Variants in ZNF568 observed in about 807,000 individuals in gnomAD.
ZNF568 encodes the protein zinc finger protein 568, also known as p53 inhibitor of SCO2 activation.
In ZNF568, 11 loss-of-function variants were observed where a neutral mutation model predicts 18.1. The observed-to-expected ratio is 0.61, with a 90% CI of 0.38 to 1.00. ZNF568 has a LOEUF of 1.00. Among genes scored for constraint, ZNF568 ranks in the 50% least tolerant of loss-of-function variants. ZNF568 has a pLI of 0.01. For missense variants in ZNF568, 639 were observed against 768.2 expected (o/e 0.83, Z 1.99); for synonymous variants, 213 against 246.6 (o/e 0.86, Z 1.28).
rs533331384 is a variant in ZNF568, at chr19:36,938,140, C to A, written c.358+898C>A. 1.2e-3 allele frequency among the ~76,000 whole-genome samples: 177 copies of A among 152,158 alleles called. 1 individual carries two copies. Among genetic ancestry groups the A allele is most frequent in the Admixed American group, 2.0e-3 (31 of 15,276 alleles). On this transcript the variant is annotated intron_variant, in intron 6 of 6. Coordinates refer to ENST00000333987, the MANE Select transcript of ZNF568 (RefSeq NM_198539.4). ...CAGAAATTTAACATCCTTTTAATGC[C>A]AATGTTTTCTGTCTAAGAACACACA...
intron 6 of ZNF568, among the ~76,000 whole-genome samples, chr19:36,948,056 G>A (rs151066388): frequency 1.0e-3 from 156 of 152,146 alleles, no homozygotes; most frequent in South Asian, 5.4e-3. Flanking sequence ...TATGGGTTTT[G>A]GTAAATGTAT....
intron 2 of ZNF568, among the ~76,000 whole-genome samples, chr19:36,988,408 G>A (rs1480427036): frequency 6.6e-6 from 1 of 152,204 alleles, no homozygotes; most frequent in African/African-American, 2.4e-5. Context: ...GAAGCATGAT[G>A]CTGGCATCTG....
downstream of ZNF568, among the ~76,000 whole-genome samples, chr19:36,983,195 G>A (rs1427639258): frequency 6.6e-6 from 1 of 152,174 alleles, no homozygotes; most frequent in Non-Finnish European, 1.5e-5. Flanking sequence ...AGTTGCAGCA[G>A]AGATGGTATG....
chr19:36,997,234 G>A, exon 5 of ZNF568: 2 of 1,608,894 alleles, frequency 1.2e-6, no homozygotes, highest in Non-Finnish European at 8.5e-7. Flanking sequence ...ATGTGGGAAA[G>A]CCTTTATCTC....
chr19:36,997,592 TTA>T (rs753831891), downstream of ZNF568: 2 of 1,565,662 alleles, frequency 1.3e-6, no homozygotes. Flanking sequence ...GGCTCAGAAC[TTA>T]GTTGACACCA....
intron 6 of ZNF568, among the ~76,000 whole-genome samples, chr19:36,958,616 C>CTTTTTTT (rs35494587): frequency 1.1e-3 from 110 of 99,090 alleles, no homozygotes; most frequent in African/African-American, 1.8e-3. Context: ...CTTTTTCTTT[C>CTTTTTTT]TTTTTTTTTT....
At chr19:36,997,377 C>G, downstream of ZNF568, 1 of 1,592,738 alleles carries the variant, frequency 6.3e-7, no homozygotes, top group African/African-American at 1.3e-5. Flanking sequence ...GTGAAAAACC[C>G]TATGAGTGTA....
chr19:36,921,631 AT>A (rs567591206), intron 2 of ZNF568, among the ~76,000 whole-genome samples: 41 of 149,448 alleles, frequency 2.7e-4, no homozygotes, highest in South Asian at 1.3e-3. Context: ...TGTTACATAT[AT>A]TTTTTTTTTA....
At chr19:36,991,915 G>A (rs2547049) in intron 4 of ZNF568, 671,186 of 1,274,920 alleles carry the variant, frequency 0.53, 178,780 homozygotes, top group African/African-American at 0.61. Context: ...TGAGAAGGCA[G>A]CACTTCAGGG....
At chr19:36,995,947 T>C (rs2074467058) in intron 4 of ZNF568, among the ~76,000 whole-genome samples, 1 of 152,226 alleles carries the variant, frequency 6.6e-6, no homozygotes, top group South Asian at 2.1e-4. Context: ...TCTCTGAAAC[T>C]TGTGAACGTG....
At chr19:36,982,261 A>G (rs2146341725), downstream of ZNF568, among the ~76,000 whole-genome samples, 2 of 152,228 alleles carry the variant, frequency 1.3e-5, no homozygotes, top group South Asian at 4.1e-4. Context: ...ACAGTTTTAG[A>G]TACTTCACTT....
At chr19:36,970,862 G>T (rs1347383423) in intron 6 of ZNF568, among the ~76,000 whole-genome samples, 1 of 151,800 alleles carries the variant, frequency 6.6e-6, no homozygotes, top group African/African-American at 2.4e-5. Flanking sequence ...CTACTTCTTA[G>T]TAGAAATCAG....
At chr19:36,926,620 T>C (rs911013403) in intron 4 of ZNF568, among the ~76,000 whole-genome samples, 16 of 152,328 alleles carry the variant, frequency 1.1e-4, no homozygotes, top group African/African-American at 3.8e-4. Flanking sequence ...CCATAAATGA[T>C]AGGCATTGTT....
intron 6 of ZNF568, among the ~76,000 whole-genome samples, chr19:36,961,711 T>A (rs2074151515): frequency 6.6e-6 from 1 of 152,010 alleles, no homozygotes; most frequent in South Asian, 2.1e-4. Context: ...TTAGTAGAGA[T>A]AGGGTTGTGC....
intron 6 of ZNF568, among the ~76,000 whole-genome samples, chr19:36,966,855 G>A (rs571207420): frequency 6.6e-6 from 1 of 152,350 alleles, no homozygotes; most frequent in Admixed American, 6.5e-5. Context: ...CCTGGGCCTG[G>A]CAGACTACCT....
chr19:36,990,309 C>T (rs2146348269), intron 2 of ZNF568, among the ~76,000 whole-genome samples: 2 of 152,208 alleles, frequency 1.3e-5, no homozygotes, highest in South Asian at 4.1e-4. Context: ...ACAATTTAGC[C>T]AGATGTATAA....
At chr19:36,963,628 T>A (rs1472800320) in intron 6 of ZNF568, among the ~76,000 whole-genome samples, 1 of 152,162 alleles carries the variant, frequency 6.6e-6, no homozygotes, top group African/African-American at 2.4e-5. Context: ...TGGTGCCCTA[T>A]TTCAGAGTTG....
intron 3 of ZNF568, among the ~76,000 whole-genome samples, chr19:36,923,373 G>T (rs972374494): frequency 6.6e-5 from 10 of 151,962 alleles, no homozygotes; most frequent in Admixed American, 6.6e-4. Flanking sequence ...ATTTTTTGGA[G>T]GTTGAAGGTT....
intron 6 of ZNF568, among the ~76,000 whole-genome samples, chr19:36,969,638 T>C (rs1430476152): frequency 2.6e-5 from 4 of 152,034 alleles, no homozygotes; most frequent in South Asian, 2.1e-4. Context: ...GTTCTTTTGC[T>C]TATGGCACTT....
Sources: gnomAD v4.1 joint callset for allele counts (sites outside exome capture counted in the v4.1 genomes callset) on GRCh38, gnomAD v4.1.1 for gene constraint, MANE v1.5 for transcripts, NCBI Gene and HGNC (gene_info 2026-07-23, HGNC 2026-07-21) for gene names.